The following TNP1 variants were observed in gnomAD, a reference collection of about 807,000 sequenced individuals.
The protein encoded by TNP1 is spermatid nuclear transition protein 1.
TNP1 carries 1 observed loss-of-function variant against 5.8 expected under a neutral mutation model. The observed-to-expected ratio is 0.17, with a 90% CI of 0.06 to 0.82. TNP1 has a LOEUF of 0.82. Ranked by LOEUF, TNP1 falls within the 40% of genes least tolerant of loss-of-function variation. The pLI, the probability that TNP1 is intolerant of heterozygous loss-of-function variation, is 0.72. For missense variants in TNP1, 71 were observed against 75.5 expected, an observed-to-expected ratio of 0.94 and a Z score of 0.22; for synonymous variants, 22 against 25.3, an observed-to-expected ratio of 0.87 and a Z score of 0.40.
Position 216,859,556 on chromosome 2 carries a change from C to CAGGA in TNP1, c.*110_*111insTCCT. 1 of 1,366,480 alleles carries CAGGA rather than the reference C, an allele frequency of 7.3e-7. No homozygotes were observed. Among genetic ancestry groups the CAGGA allele is most frequent in the Non-Finnish European group, 1.0e-6 (1 of 967,368 alleles). 84.6% of individuals were successfully genotyped at this position (1,366,480 alleles called of 1,614,324 possible). On this transcript the variant is annotated 3_prime_UTR_variant, in exon 2 of 2. Transcript: ENST00000236979. ...TGGCATTTGATCCACATTCCATAGG[C>CAGGA]TCCTCTCTGGCTTTGATCTAACATC... is the stretch of plus-strand genomic sequence containing the variant.
Position 216,859,673 on chromosome 2 carries a change from G to A in TNP1, c.162C>T (p.His54=), listed in dbSNP as rs761892156. 3 of 1,614,174 alleles carry A rather than the reference G, an allele frequency of 1.9e-6. No individual in the cohort carries two copies. Among genetic ancestry groups the A allele is most frequent in the Admixed American group, 3.3e-5 (2 of 60,030 alleles). The change falls in exon 2 of 2, where the codon CAC becomes CAT. Residue 54 remains histidine (H), a synonymous_variant. Coordinates refer to ENST00000236979, the MANE Select transcript of TNP1 (RefSeq NM_003284.4). ...GDDANRNYRS[H]L ...GGCAGAGCCCGCTGGGGGCTCACAAGTGGGAGCGGTAATTGCGATTGGCTG... is the reference window on the plus strand; with the variant it reads ...GGCAGAGCCCGCTGGGGGCTCACAAATGGGAGCGGTAATTGCGATTGGCTG...
chr2:216,859,822 G>A, intron 1 of TNP1, 74 bp downstream of exon 1: 1 of 1,613,760 alleles, frequency 6.2e-7, no homozygotes, highest in Non-Finnish European at 8.5e-7. Context: ...TCCTGTGAGA[G>A]CTGCCTCCAA....
At position 216,860,036 on chromosome 2, in the gene TNP1, G is replaced by A. The variant is rs1185212756; in HGVS notation, c.-2C>T. ...CTTTAATTTGCGGCTGGTCGACATG[G>A]TAAGTTCTGCCAAAATGAGGGGCTT... On this transcript the variant is annotated 5_prime_UTR_variant, in exon 1 of 2. Transcript: ENST00000236979. The A allele has an allele frequency of 6.2e-7, 1 of 1,614,034 alleles. No homozygotes were observed. Among genetic ancestry groups the A allele is most frequent in the Non-Finnish European group, 8.5e-7 (1 of 1,180,028 alleles).
rs1390885758 is a variant in TNP1, at chr2:216,859,914, T to C, written c.121A>G (p.Arg41Gly). The change falls in exon 1 of 2, where the codon AGG (arginine) becomes GGG (glycine). Residue 41 changes from arginine (R) to glycine (G), a missense_variant. By Grantham distance (125) the Arg-to-Gly change is moderately radical. Coordinates refer to ENST00000236979, the MANE Select transcript of TNP1 (RefSeq NM_003284.4). ...RKYRKGNLKS[R>G]KRGDDANRNY... ...CACTCACCGTCATCGCCCCGTTTCCTACTTTTCAGGTTGCCCTTACGGTAT... is the reference window on the plus strand; with the variant it reads ...CACTCACCGTCATCGCCCCGTTTCCCACTTTTCAGGTTGCCCTTACGGTAT... 2.5e-6 allele frequency: 4 copies of C among 1,614,104 alleles called. No individual in the cohort carries two copies. Among genetic ancestry groups the C allele is most frequent in the Non-Finnish European group, 3.4e-6 (4 of 1,180,032 alleles).
chr2:216,859,561 C>G lies in TNP1; in HGVS notation c.*106G>C. 2 of 1,436,392 alleles carry G rather than the reference C, an allele frequency of 1.4e-6. No individual in the cohort carries two copies. The allele number at this position is 1,436,392 out of a possible 1,614,324, so 89.0% of individuals were successfully genotyped here. A position where few individuals can be genotyped will look rare whatever the true frequency, so the allele number is the denominator to read the frequency against. Reference sequence around the variant, plus strand: ...TTTGATCCACATTCCATAGGCTCCTCTCTGGCTTTGATCTAACATCAGGTC... The same window carrying G: ...TTTGATCCACATTCCATAGGCTCCTGTCTGGCTTTGATCTAACATCAGGTC... On this transcript the variant is annotated 3_prime_UTR_variant, in exon 2 of 2. Transcript: ENST00000236979.
chr2:216,859,880 C>T lies in TNP1; in HGVS notation c.139+16G>A, dbSNP rs1688883429. ...TGTGCCTAAGTTTGGCAATCTCCTC[C>T]CCATCCCTCACTCACCGTCATCGCC... On this transcript the variant is annotated intron_variant, in intron 1 of 1. Transcript: ENST00000236979. 2 of 1,614,090 alleles carry T rather than the reference C, an allele frequency of 1.2e-6. No individual in the cohort carries two copies. The highest frequency in any genetic ancestry group is 2.2e-5 in the East Asian group (1 of 44,892).
chr2:216,859,832 AGAGG>A, intron 1 of TNP1, 60 bp downstream of exon 1: 1 of 1,614,090 alleles, frequency 6.2e-7, no homozygotes, highest in Non-Finnish European at 8.5e-7. Context: ...GCTGCCTCCA[AGAGG>A]GAGGGCCTGG....
rs764002498 is a variant in TNP1 at position 216,859,982 on chromosome 2, C to T, written c.53G>A (p.Arg18Gln). ...TCTCTTGACTCCCTTGTGAGGAGAT[C>T]GGCTCTTGCTCCTCCTCATGCCATG... ...KSHGMRRSKSRSPHKGVKRGG... is the reference protein window; with the variant it reads ...KSHGMRRSKSQSPHKGVKRGG... The change falls in exon 1 of 2, where the codon CGA (arginine) becomes CAA (glutamine). Residue 18 changes from arginine (R) to glutamine (Q), a missense_variant. Coordinates refer to ENST00000236979, the MANE Select transcript of TNP1 (RefSeq NM_003284.4). 3.3e-5 allele frequency: 54 copies of T among 1,614,050 alleles called. No individual in the cohort carries two copies. Among genetic ancestry groups the T allele is most frequent in the South Asian group, 2.2e-4 (20 of 91,080 alleles).
Position 216,860,012 on chromosome 2 carries a change from T to C in TNP1, c.23A>G (p.Lys8Arg). ...CTTGCTCCTCCTCATGCCATGACTC[T>C]TTAATTTGCGGCTGGTCGACATGGT... MSTSRKL[K>R]SHGMRRSKSR... is the part of the protein sequence containing the mutation. The change falls in exon 1 of 2, where the codon AAG becomes AGG. Residue 8 changes from lysine to arginine, a missense_variant. Transcript: ENST00000236979. 6.2e-7 allele frequency: 1 copy of C among 1,614,190 alleles called. No individual in the cohort carries two copies. Among genetic ancestry groups the C allele is most frequent in the Non-Finnish European group, 8.5e-7 (1 of 1,180,038 alleles).
In TNP1 at chr2:216,859,708, A is replaced by G. The variant is rs761974902; in HGVS notation, c.140-13T>C. 1.9e-6 allele frequency: 3 copies of G among 1,614,106 alleles called. No individual in the cohort carries two copies. Among genetic ancestry groups the G allele is most frequent in the East Asian group, 4.5e-5 (2 of 44,840 alleles). ...TAATTGCGATTGGCTGTGGGAAAGG[A>G]CAGGTTTGCAACAGAGACACGAATT... On this transcript the variant is annotated splice_polypyrimidine_tract_variant and intron_variant, in intron 1 of 1. Transcript: ENST00000236979.
rs1688885974 is a variant in TNP1, at chr2:216,860,011, C to G, written c.24G>C (p.Lys8Asn). 1 of 1,614,054 alleles carries G rather than the reference C, an allele frequency of 6.2e-7. No homozygotes were observed. Among genetic ancestry groups the G allele is most frequent in the Admixed American group, 1.7e-5 (1 of 60,008 alleles). Reference sequence around the variant, plus strand: ...TCTTGCTCCTCCTCATGCCATGACTCTTTAATTTGCGGCTGGTCGACATGG... The same window carrying G: ...TCTTGCTCCTCCTCATGCCATGACTGTTTAATTTGCGGCTGGTCGACATGG... MSTSRKL[K>N]SHGMRRSKSR... Residue 8 changes from lysine (K) to asparagine (N), a missense_variant, in exon 1 of 2, where the codon AAG (lysine) becomes AAC (asparagine). By Grantham distance (94) the Lys-to-Asn change is moderately conservative (BLOSUM62 0). Transcript: ENST00000236979.
Position 216,859,891 on chromosome 2 carries a change from CTCACCG to C in TNP1, c.138_139+4del. On this transcript the variant is annotated splice_donor_variant and splice_donor_region_variant and coding_sequence_variant and intron_variant, in exon 1 of 2. Transcript: ENST00000236979. LOFTEE classifies it high-confidence loss of function. ...TTGGCAATCTCCTCCCCATCCCTCACTCACCGTCATCGCCCCGTTTCCTACTTTTCA... is the reference window on the plus strand; with the variant it reads ...TTGGCAATCTCCTCCCCATCCCTCACTCATCGCCCCGTTTCCTACTTTTCA... The C allele has an allele frequency of 6.2e-7, 1 of 1,614,244 alleles. No homozygotes were observed. Among genetic ancestry groups the C allele is most frequent in the Non-Finnish European group, 8.5e-7 (1 of 1,180,042 alleles).
rs139015240 is a variant in TNP1, at chr2:216,859,486, T to C, written c.*181A>G. 2.1e-5 allele frequency: 15 copies of C among 728,368 alleles called. No individual in the cohort carries two copies. The highest frequency in any genetic ancestry group is 3.9e-4 in the Middle Eastern group (1 of 2,576). The allele number at this position is 728,368 out of a possible 1,614,324, so 45.1% of individuals were successfully genotyped here. On this transcript the variant is annotated 3_prime_UTR_variant, in exon 2 of 2. Transcript: ENST00000236979. The stretch of plus-strand genomic sequence containing the variant: ...CTGCTTTCAAAGTTTTATTGAGATG[T>C]TGGGGAAAAACAGCCAACATATACA...
At position 216,859,563 on chromosome 2, in the gene TNP1, C is replaced by T; in HGVS notation, c.*104G>A. On this transcript the variant is annotated 3_prime_UTR_variant, in exon 2 of 2. Transcript: ENST00000236979. ...TGATCCACATTCCATAGGCTCCTCT[C>T]TGGCTTTGATCTAACATCAGGTCTC... is the stretch of plus-strand genomic sequence containing the variant. 2 of 1,451,370 alleles carry T rather than the reference C, an allele frequency of 1.4e-6. No individual in the cohort carries two copies. The highest frequency in any genetic ancestry group is 1.9e-6 in the Non-Finnish European group (2 of 1,039,852). 89.9% of individuals were successfully genotyped at this position (1,451,370 alleles called of 1,614,324 possible).
rs1048134051 is a variant in TNP1, at chr2:216,859,686, T to C, written c.149A>G (p.Asn50Ser). ...SRKRGDDANR[N>S]YRSHL ...GGGGGCTCACAAGTGGGAGCGGTAATTGCGATTGGCTGTGGGAAAGGACAG... is the reference window on the plus strand; with the variant it reads ...GGGGGCTCACAAGTGGGAGCGGTAACTGCGATTGGCTGTGGGAAAGGACAG... Residue 50 changes from asparagine to serine, a missense_variant, in exon 2 of 2, where the codon AAT becomes AGT. Physicochemically the swap from Asn to Ser is conservative, Grantham distance 46. Transcript: ENST00000236979. The C allele has an allele frequency of 6.2e-7, 1 of 1,613,990 alleles. No individual in the cohort carries two copies. Among genetic ancestry groups the C allele is most frequent in the Admixed American group, 1.7e-5 (1 of 60,002 alleles).
chr2:216,859,856 G>T, intron 1 of TNP1, 40 bp downstream of exon 1: 4 of 1,614,202 alleles, frequency 2.5e-6, no homozygotes, highest in Non-Finnish European at 3.4e-6. Flanking sequence ...GCAGCAATGT[G>T]TGCCTAAGTT....
chr2:216,859,733 T>C, intron 1 of TNP1, 38 bp from the exon 2 acceptor site: 1 of 1,614,148 alleles, frequency 6.2e-7, no homozygotes, highest in Non-Finnish European at 8.5e-7. Context: ...AGACACGAAT[T>C]AGAACATTCC....
At chr2:216,859,728 C>G in intron 1 of TNP1, 33 bp from the exon 2 acceptor site, 2 of 1,614,140 alleles carry the variant, frequency 1.2e-6, no homozygotes, top group Non-Finnish European at 1.7e-6. Context: ...AACAGAGACA[C>G]GAATTAGAAC....
Position 216,860,010 on chromosome 2 carries a change from T to A in TNP1, c.25A>T (p.Ser9Cys). The change falls in exon 1 of 2, where the codon AGT becomes TGT. Residue 9 changes from serine (S) to cysteine (C), a missense_variant. Transcript: ENST00000236979. ...CTCTTGCTCCTCCTCATGCCATGAC[T>A]CTTTAATTTGCGGCTGGTCGACATG... MSTSRKLKSHGMRRSKSRS... is the reference protein window; with the variant it reads MSTSRKLKCHGMRRSKSRS... 6.2e-7 allele frequency: 1 copy of A among 1,614,168 alleles called. No homozygotes were observed.
Sources: gnomAD v4.1 joint callset for allele counts on GRCh38, gnomAD v4.1.1 for gene constraint, MANE v1.5 for transcripts, NCBI Gene and HGNC (gene_info 2026-07-23, HGNC 2026-07-21) for gene names.